The following KLHDC2 variants were observed in gnomAD, a reference collection of about 807,000 sequenced individuals.
KLHDC2 encodes the protein kelch domain containing 2, also known as kelch domain-containing protein 2.
A neutral mutation model predicts 62.3 loss-of-function variants in KLHDC2; 38 were observed. The ratio of observed to expected loss-of-function variants is 0.61; its 90% CI spans 0.47 to 0.80. The LOEUF is 0.80. KLHDC2 is among the 30% of genes least tolerant of loss of function. The pLI, the probability that KLHDC2 is intolerant of heterozygous loss-of-function variation, is 0.00. For synonymous variants in KLHDC2, 159 were observed against 161.0 expected, an observed-to-expected ratio of 0.99 and a Z score of 0.09; for missense variants, 430 against 495.3, an observed-to-expected ratio of 0.87 and a Z score of 1.25.
intron 2 of KLHDC2, among the ~76,000 whole-genome samples, chr14:49,772,889 G>C (rs1291349159): frequency 6.6e-6 from 1 of 152,168 alleles, no homozygotes; most frequent in Admixed American, 6.5e-5. Flanking sequence ...CCGGGAGGCA[G>C]AGGTTGCAGT....
Position 49,782,796 on chromosome 14 carries a change from G to GA in KLHDC2, c.1098-31dup, listed in dbSNP as rs1212807042. ...TGAATGTACTTCCAAACAGTAAAGTGAAATTACTTTTCTCTTTCCTTGTCC... is the reference window on the plus strand; with the variant it reads ...TGAATGTACTTCCAAACAGTAAAGTGAAAATTACTTTTCTCTTTCCTTGTCC... On this transcript the variant is annotated intron_variant, in intron 12 of 12. Transcript: ENST00000298307. 2.5e-6 allele frequency: 4 copies of GA among 1,601,660 alleles called. No homozygotes were observed. In the African/African-American group the frequency reaches 5.4e-5, roughly 22 times the overall value.
intron 10 of KLHDC2, 176 bp from the exon 11 acceptor site, chr14:49,782,190 AAAAT>A (rs1483200112): frequency 1.9e-6 from 1 of 538,004 alleles, no homozygotes; most frequent in African/African-American, 1.9e-5. Context: ...ATATCCAGAT[AAAAT>A]AGATATTGAT....
Position 49,783,478 on chromosome 14 carries a change from C to T in KLHDC2, c.*525C>T, listed in dbSNP as rs1890012033. 6.6e-6 allele frequency: 1 copy of T among 151,740 alleles called. No homozygotes were observed. Among genetic ancestry groups the T allele is most frequent in the South Asian group, 2.1e-4 (1 of 4,820 alleles). 9.4% of individuals were successfully genotyped at this position (151,740 alleles called of 1,614,324 possible). A position where few individuals can be genotyped will look rare whatever the true frequency, so the allele number is the denominator to read the frequency against. Reference sequence around the variant, plus strand: ...TGACCTTAATGCTTCAGTGTAGGGGCTGGAGCAAGTGGTCATGCTGAATAC... The same window carrying T: ...TGACCTTAATGCTTCAGTGTAGGGGTTGGAGCAAGTGGTCATGCTGAATAC... On this transcript the variant is annotated 3_prime_UTR_variant, in exon 13 of 13. Transcript: ENST00000298307.
chr14:49,772,815 G>A (rs925185887), intron 2 of KLHDC2, among the ~76,000 whole-genome samples: 1 of 152,084 alleles, frequency 6.6e-6, no homozygotes, highest in Non-Finnish European at 1.5e-5. Context: ...AATTAGCCAG[G>A]CATGATGGCA....
chr14:49,768,654 C>T, intron 1 of KLHDC2, 33 bp downstream of exon 1: 2 of 1,544,132 alleles, frequency 1.3e-6, no homozygotes, highest in South Asian at 1.2e-5. Context: ...ACGGACGTCG[C>T]TCGGCTGTGA....
Position 49,784,910 on chromosome 14 carries a change from G to T in KLHDC2, c.*1957G>T. 6.2e-7 allele frequency: 1 copy of T among 1,606,022 alleles called. No homozygotes were observed. The highest frequency in any genetic ancestry group is 8.5e-7 in the Non-Finnish European group (1 of 1,173,634). ...CTGTCAGTCTCCACATTCCTTTTCTGAAGGAGAACTTTACCTTTACGCTGC... is the reference window on the plus strand; with the variant it reads ...CTGTCAGTCTCCACATTCCTTTTCTTAAGGAGAACTTTACCTTTACGCTGC... On this transcript the variant is annotated 3_prime_UTR_variant, in exon 13 of 13. Transcript: ENST00000298307.
Position 49,784,902 on chromosome 14 carries a change from C to A in KLHDC2, c.*1949C>A. On this transcript the variant is annotated 3_prime_UTR_variant, in exon 13 of 13. Coordinates refer to ENST00000298307, the MANE Select transcript of KLHDC2 (RefSeq NM_014315.3). ...AAATTGTACTGTCAGTCTCCACATT[C>A]CTTTTCTGAAGGAGAACTTTACCTT... The A allele has an allele frequency of 6.3e-7, 1 of 1,596,890 alleles. No homozygotes were observed. Among genetic ancestry groups the A allele is most frequent in the Admixed American group, 1.7e-5 (1 of 59,614 alleles).
chr14:49,782,770 G>A lies in KLHDC2; in HGVS notation c.1098-60G>A, dbSNP rs1163110127. 3.2e-6 allele frequency: 5 copies of A among 1,566,394 alleles called. No individual in the cohort carries two copies. The African/African-American group carries it at 5.5e-5, about 17-fold the overall frequency. The stretch of plus-strand genomic sequence containing the variant: ...AGGGATGTTTTATGTAGTTTTTCAA[G>A]TGAATGTACTTCCAAACAGTAAAGT... On this transcript the variant is annotated intron_variant, in intron 12 of 12. Coordinates refer to ENST00000298307, the MANE Select transcript of KLHDC2 (RefSeq NM_014315.3).
At chr14:49,779,050 T>C (rs1889831891) in intron 6 of KLHDC2, among the ~76,000 whole-genome samples, 1 of 152,152 alleles carries the variant, frequency 6.6e-6, no homozygotes, top group African/African-American at 2.4e-5. Flanking sequence ...GTGGTAGAAG[T>C]GTTTCAGATT....
In KLHDC2 at chr14:49,781,449, G is replaced by GTGGGATTACAGGATTA. The variant is rs1386194102; in HGVS notation, c.956+675_956+690dup. ...TTAATCACATGGGAGGCGAGGTACA[G>GTGGGATTACAGGATTA]TGGGATTACAGGATTACAGCTGTAA... On this transcript the variant is annotated intron_variant, in intron 10 of 12. Coordinates refer to ENST00000298307, the MANE Select transcript of KLHDC2 (RefSeq NM_014315.3). 3.3e-5 allele frequency among the ~76,000 whole-genome samples: 5 copies of GTGGGATTACAGGATTA among 151,304 alleles called. No homozygotes were observed. In the South Asian group the frequency reaches 6.3e-4, roughly 19 times the overall value.
At position 49,785,071 on chromosome 14, in the gene KLHDC2, C is replaced by CA. The variant is rs1183445749; in HGVS notation, c.*2125dup. The CA allele has an allele frequency of 3.7e-6, 6 of 1,607,112 alleles. No homozygotes were observed. Among genetic ancestry groups the CA allele is most frequent in the Non-Finnish European group, 5.1e-6 (6 of 1,174,232 alleles). On this transcript the variant is annotated 3_prime_UTR_variant, in exon 13 of 13. Transcript: ENST00000298307. ...CACTGAACTGTTTAAAATCATAATT[C>CA]AAAAAAACAAATTTAAATACCTTTT... is the stretch of plus-strand genomic sequence containing the variant.
chr14:49,786,198 A>T lies in KLHDC2; in HGVS notation c.*3245A>T, dbSNP rs1890171707. 1 of 157,082 alleles carries T rather than the reference A, an allele frequency of 6.4e-6. No individual in the cohort carries two copies. Among genetic ancestry groups the T allele is most frequent in the Non-Finnish European group, 1.4e-5 (1 of 71,116 alleles). 9.7% of individuals were successfully genotyped at this position (157,082 alleles called of 1,614,324 possible). Reference sequence around the variant, plus strand: ...CTAAACATTTTATAATGAATGGGACAGACCCCACAACAAAGAATTAACCAA... The same window carrying T: ...CTAAACATTTTATAATGAATGGGACTGACCCCACAACAAAGAATTAACCAA... On this transcript the variant is annotated 3_prime_UTR_variant, in exon 13 of 13. Coordinates refer to ENST00000298307, the MANE Select transcript of KLHDC2 (RefSeq NM_014315.3).
rs1889985318 is a variant in KLHDC2, at chr14:49,783,032, A to C, written c.*79A>C. The C allele has an allele frequency of 6.9e-7, 1 of 1,444,012 alleles. No individual in the cohort carries two copies. Among genetic ancestry groups the C allele is most frequent in the East Asian group, 2.3e-5 (1 of 43,006 alleles). 89.4% of individuals were successfully genotyped at this position (1,444,012 alleles called of 1,614,324 possible). Reference sequence around the variant, plus strand: ...ATCACAGAGTGGCATCATTTGTATAATTATATGCATTGTTGTAGTTTGCAC... The same window carrying C: ...ATCACAGAGTGGCATCATTTGTATACTTATATGCATTGTTGTAGTTTGCAC... On this transcript the variant is annotated 3_prime_UTR_variant, in exon 13 of 13. Transcript: ENST00000298307.
intron 2 of KLHDC2, among the ~76,000 whole-genome samples, chr14:49,773,825 C>G (rs1199131593): frequency 1.3e-5 from 2 of 152,038 alleles, no homozygotes. Flanking sequence ...ATCCACCTGC[C>G]TCAGCCTCCC....
chr14:49,768,645 C>A (rs201322400), intron 1 of KLHDC2, 24 bp downstream of exon 1: 1 of 1,557,720 alleles, frequency 6.4e-7, no homozygotes. Flanking sequence ...CGGGCCGCGA[C>A]GGACGTCGCT....
chr14:49,778,391 C>T lies in KLHDC2; in HGVS notation c.550-20C>T, dbSNP rs193021763. 3.5e-4 allele frequency: 501 copies of T among 1,435,952 alleles called. 3 individuals carry two copies. The Admixed American group carries it at 4.5e-3, about 13-fold the overall frequency. 89.0% of individuals were successfully genotyped at this position (1,435,952 alleles called of 1,614,324 possible). A position where few individuals can be genotyped will look rare whatever the true frequency, so the allele number is the denominator to read the frequency against. On this transcript the variant is annotated intron_variant, in intron 5 of 12. Transcript: ENST00000298307. ...TATAAATATCATTTCTAAAATAACGCGGATTCTTATTTTCTGTAGAATTCA... is the reference window on the plus strand; with the variant it reads ...TATAAATATCATTTCTAAAATAACGTGGATTCTTATTTTCTGTAGAATTCA...
Position 49,778,231 on chromosome 14 carries a change from C to A in KLHDC2, c.521C>A (p.Thr174Asn). The A allele has an allele frequency of 6.2e-7, 1 of 1,609,526 alleles. No individual in the cohort carries two copies. The highest frequency in any genetic ancestry group is 8.5e-7 in the Non-Finnish European group (1 of 1,177,052). Residue 174 changes from threonine to asparagine, a missense_variant, in exon 5 of 13, where the codon ACT becomes AAT. Physicochemically the swap from Thr to Asn is moderately conservative, Grantham distance 65. Transcript: ENST00000298307. ...TTGCCTGAAGATAAAGTATTGGGAA[C>A]TTTTGAATTCGATGAAACATCTTTT... ...GYLPEDKVLG[T>N]FEFDETSFWN...
At chr14:49,778,386 TA>T in intron 5 of KLHDC2, 24 bp from the exon 6 acceptor site, 1 of 1,422,736 alleles carries the variant, frequency 7.0e-7, no homozygotes, top group East Asian at 2.3e-5. Context: ...ATTTCTAAAA[TA>T]ACGCGGATTC....
rs1889989980 is a variant in KLHDC2, at chr14:49,783,119, A to C, written c.*166A>C. ...ACCTATTTTTGTGTCTAAAGTTTAC[A>C]ATAAATGTATTTAACACCAGTAGCT... On this transcript the variant is annotated 3_prime_UTR_variant, in exon 13 of 13. Coordinates refer to ENST00000298307, the MANE Select transcript of KLHDC2 (RefSeq NM_014315.3). 1.8e-6 allele frequency: 1 copy of C among 546,756 alleles called. No homozygotes were observed. Among genetic ancestry groups the C allele is most frequent in the Non-Finnish European group, 3.0e-6 (1 of 330,414 alleles). The allele number at this position is 546,756 out of a possible 1,614,324, so 33.9% of individuals were successfully genotyped here.
Sources: allele counts gnomAD v4.1 joint callset (sites outside exome capture counted in the v4.1 genomes callset), GRCh38; gene constraint gnomAD v4.1.1; transcripts MANE v1.5; gene names NCBI Gene and HGNC (gene_info 2026-07-23, HGNC 2026-07-21).